Variants in ABHD17B observed in about 807,000 individuals in gnomAD.
ABHD17B encodes the protein abhydrolase domain containing 17B, depalmitoylase, also known as alpha/beta hydrolase domain-containing protein 17B.
ABHD17B carries 9 observed loss-of-function variants against 26.2 expected under a neutral mutation model. That is an observed-to-expected ratio of 0.34 (90% CI 0.21 to 0.60). The LOEUF (loss-of-function observed/expected upper bound fraction) is 0.60. ABHD17B is among the 20% of genes least tolerant of loss of function. ABHD17B has a pLI of 0.80. For synonymous variants in ABHD17B, 127 were observed against 122.3 expected, an observed-to-expected ratio of 1.04 and a Z score of -0.25; for missense variants, 224 against 352.1, an observed-to-expected ratio of 0.64 and a Z score of 2.91.
intron 1 of ABHD17B, among the ~76,000 whole-genome samples, chr9:71,897,955 C>G (rs1407608729): frequency 1.3e-5 from 2 of 152,158 alleles, no homozygotes; most frequent in Non-Finnish European, 2.9e-5. Context: ...TACATTTCAC[C>G]ACCTTCTTCA....
intron 1 of ABHD17B, among the ~76,000 whole-genome samples, chr9:71,901,344 T>G (rs1477504001): frequency 6.6e-6 from 1 of 152,080 alleles, no homozygotes; most frequent in Non-Finnish European, 1.5e-5. Context: ...ATCATCAACT[T>G]GTAGGATCAC....
At chr9:71,883,918 C>G (rs1826526774) in intron 1 of ABHD17B, among the ~76,000 whole-genome samples, 1 of 150,912 alleles carries the variant, frequency 6.6e-6, no homozygotes, top group South Asian at 2.1e-4. Context: ...GCTTGGGTGA[C>G]AGAGCAAGAC....
intron 1 of ABHD17B, among the ~76,000 whole-genome samples, chr9:71,884,017 T>C (rs1373552155): frequency 6.6e-6 from 1 of 151,932 alleles, no homozygotes; most frequent in Non-Finnish European, 1.5e-5. Context: ...ATTTAAAATG[T>C]AGGGAACTTC....
At chr9:71,900,309 T>C (rs1827093818) in intron 1 of ABHD17B, among the ~76,000 whole-genome samples, 1 of 152,224 alleles carries the variant, frequency 6.6e-6, no homozygotes. Flanking sequence ...GTTTCTTTTC[T>C]AGACGGCCTA....
intron 3 of ABHD17B, among the ~76,000 whole-genome samples, chr9:71,868,200 CGCA>C (rs1826012475): frequency 1.3e-5 from 2 of 151,644 alleles, no homozygotes; most frequent in Admixed American, 6.6e-5. Context: ...GCCTGGGTGT[CGCA>C]GCGAGACTCT....
intron 1 of ABHD17B, among the ~76,000 whole-genome samples, chr9:71,880,539 T>C (rs1022898140): frequency 6.6e-6 from 1 of 152,096 alleles, no homozygotes; most frequent in African/African-American, 2.4e-5. Flanking sequence ...GTAGATGATA[T>C]AATTACCCTG....
At chr9:71,887,349 T>C (rs964840497) in intron 1 of ABHD17B, among the ~76,000 whole-genome samples, 1 of 152,166 alleles carries the variant, frequency 6.6e-6, no homozygotes, top group African/African-American at 2.4e-5. Flanking sequence ...GATGACATTA[T>C]AGTAGAAGAT....
intron 1 of ABHD17B, among the ~76,000 whole-genome samples, chr9:71,891,037 C>CT (rs1491248627): frequency 1.3e-5 from 2 of 152,100 alleles, no homozygotes; most frequent in African/African-American, 4.8e-5. Flanking sequence ...CACTACCCCC[C>CT]ACCCCCTTAC....
chr9:71,872,853 C>G (rs914271445), intron 2 of ABHD17B, among the ~76,000 whole-genome samples: 7 of 152,078 alleles, frequency 4.6e-5, no homozygotes, highest in African/African-American at 1.7e-4. Context: ...AACTCTTTAC[C>G]TACTACTTGC....
chr9:71,906,661 T>G (rs113249277), intron 1 of ABHD17B, among the ~76,000 whole-genome samples: 1 of 151,966 alleles, frequency 6.6e-6, no homozygotes, highest in Admixed American at 6.6e-5. Context: ...CTGTAAAAAA[T>G]CTAAAAATTA....
At chr9:71,906,821 A>AAC (rs201443991) in intron 1 of ABHD17B, among the ~76,000 whole-genome samples, 1,779 of 150,366 alleles carry the variant, frequency 0.012, 21 homozygotes, top group African/African-American at 0.035. Flanking sequence ...CAAACAAACA[A>AAC]AAAAAAAAAC....
chr9:71,894,611 T>A (rs530451540), intron 1 of ABHD17B, among the ~76,000 whole-genome samples: 2 of 152,322 alleles, frequency 1.3e-5, no homozygotes, highest in East Asian at 3.9e-4. Flanking sequence ...TCTAAAAGCA[T>A]GGAAATGTAT....
intron 1 of ABHD17B, among the ~76,000 whole-genome samples, chr9:71,899,845 C>T (rs1827080403): frequency 9.4e-6 from 1 of 106,064 alleles, no homozygotes; most frequent in African/African-American, 3.7e-5. Flanking sequence ...TCTCTTCCTG[C>T]CTTGTCCTTA....
At chr9:71,892,853 T>C (rs1360323007) in intron 1 of ABHD17B, among the ~76,000 whole-genome samples, 1 of 152,146 alleles carries the variant, frequency 6.6e-6, no homozygotes, top group Non-Finnish European at 1.5e-5. Context: ...TGGCATTAAA[T>C]ACATCCACAT....
In ABHD17B at chr9:71,870,305, A is replaced by G. The variant is rs201270243; in HGVS notation, c.468-43T>C. ...TAAAAACAAAAACCAAAAAAGTTGG[A>G]GTGATATGAAATGTTCCATCATTCC... On this transcript the variant is annotated intron_variant, in intron 2 of 3. Transcript: ENST00000333421. 120 of 1,516,464 alleles carry G rather than the reference A, an allele frequency of 7.9e-5. No homozygotes were observed. The African/African-American group carries it at 1.5e-3, about 19-fold the overall frequency. 93.9% of individuals were successfully genotyped at this position (1,516,464 alleles called of 1,614,324 possible). A position where few individuals can be genotyped will look rare whatever the true frequency, so the allele number is the denominator to read the frequency against.
At chr9:71,875,156 A>G (rs950316379) in intron 1 of ABHD17B, 73 bp from the exon 2 acceptor site, 20 of 1,159,986 alleles carry the variant, frequency 1.7e-5, no homozygotes, top group Non-Finnish European at 2.2e-5. Context: ...GTTAAAACAC[A>G]GACATGGGTA....
At chr9:71,907,353 CTATATA>C (rs574605644) in intron 1 of ABHD17B, among the ~76,000 whole-genome samples, 187 of 151,586 alleles carry the variant, frequency 1.2e-3, no homozygotes, top group Non-Finnish European at 2.0e-3. Context: ...CAAAATAAAA[CTATATA>C]TATATAATGT....
chr9:71,868,994 GTTTAT>G (rs1276422889), intron 3 of ABHD17B, among the ~76,000 whole-genome samples: 21 of 152,144 alleles, frequency 1.4e-4, no homozygotes, highest in African/African-American at 5.1e-4. Context: ...TGGCCAAACA[GTTTAT>G]TTTTAGTGTT....
chr9:71,870,977 C>T (rs1826094809), intron 2 of ABHD17B, among the ~76,000 whole-genome samples: 1 of 152,120 alleles, frequency 6.6e-6, no homozygotes, highest in Admixed American at 6.5e-5. Context: ...CTCATTGACT[C>T]AATAAATATT....
Sources: allele counts gnomAD v4.1 joint callset (sites outside exome capture counted in the v4.1 genomes callset), GRCh38; gene constraint gnomAD v4.1.1; transcripts MANE v1.5; gene names NCBI Gene and HGNC (gene_info 2026-07-23, HGNC 2026-07-21).